LRRTM4: variants seen among roughly 807,000 people sequenced by gnomAD.
LRRTM4 encodes leucine-rich repeat transmembrane neuronal protein 4.
A neutral mutation model predicts 47.6 loss-of-function variants in LRRTM4; 25 were observed. The observed-to-expected ratio is 0.53, with a 90% CI of 0.38 to 0.73. The LOEUF (loss-of-function observed/expected upper bound fraction) is 0.73. Ranked by LOEUF, LRRTM4 falls within the 30% of genes least tolerant of loss-of-function variation. The probability of loss-of-function intolerance (pLI) is 0.00; values close to 1 mark genes in which losing one functional copy is unlikely to be tolerated. For synonymous variants in LRRTM4, 311 were observed against 269.5 expected, an observed-to-expected ratio of 1.15 and a Z score of -1.51; for missense variants, 638 against 713.4, an observed-to-expected ratio of 0.89 and a Z score of 1.20.
chr2:77,447,171 C>T (rs932888494), intron 3 of LRRTM4, among the ~76,000 whole-genome samples: 3 of 149,308 alleles, frequency 2.0e-5, no homozygotes, highest in Non-Finnish European at 4.5e-5. Flanking sequence ...TTCTCCAATA[C>T]TTTAAAAACT....
Position 76,819,140 on chromosome 2 carries a change from T to C in LRRTM4, c.1552-70224A>G, listed in dbSNP as rs544927407. Reference sequence around the variant, plus strand: ...AAAATAACTAAAATAAAGCTAAATCTATCCCTGTATAATTAGGAATAAGGT... The same window carrying C: ...AAAATAACTAAAATAAAGCTAAATCCATCCCTGTATAATTAGGAATAAGGT... On this transcript the variant is annotated intron_variant, in intron 3 of 3. Transcript: ENST00000409884. Among the ~76,000 whole-genome samples the C allele has an allele frequency of 3.3e-5, 5 of 151,982 alleles. No individual in the cohort carries two copies. In the East Asian group the frequency reaches 7.8e-4, roughly 24 times the overall value.
chr2:76,974,255 C>CATATATATATATAT (rs1558771883), intron 3 of LRRTM4, among the ~76,000 whole-genome samples: 2 of 138,100 alleles, frequency 1.4e-5, no homozygotes, highest in Non-Finnish European at 3.1e-5. Context: ...TATATATATA[C>CATATATATATATAT]ACACACATAC....
intron 3 of LRRTM4, among the ~76,000 whole-genome samples, chr2:77,337,881 T>C (rs772767152): frequency 2.9e-4 from 44 of 151,920 alleles, no homozygotes; most frequent in Non-Finnish European, 5.6e-4. Context: ...ATAGTACTGG[T>C]ACAAAAATAG....
At chr2:77,319,398 A>C (rs1677723002) in intron 3 of LRRTM4, among the ~76,000 whole-genome samples, 1 of 152,082 alleles carries the variant, frequency 6.6e-6, no homozygotes, top group African/African-American at 2.4e-5. Context: ...AAAGAAAAAA[A>C]AAAAAGCCAG....
At chr2:77,066,125 T>A (rs1417599193) in intron 3 of LRRTM4, among the ~76,000 whole-genome samples, 2 of 152,170 alleles carry the variant, frequency 1.3e-5, no homozygotes, top group African/African-American at 4.8e-5. Flanking sequence ...CTCACTCTAG[T>A]ATGAAGCAGA....
intron 3 of LRRTM4, among the ~76,000 whole-genome samples, chr2:76,781,936 C>T (rs1423494849): frequency 6.6e-6 from 1 of 152,174 alleles, no homozygotes; most frequent in East Asian, 1.9e-4. Flanking sequence ...GCTGCTTCTG[C>T]TGTTATATTA....
At chr2:77,510,476 A>G (rs1678942684) in intron 3 of LRRTM4, among the ~76,000 whole-genome samples, 1 of 152,102 alleles carries the variant, frequency 6.6e-6, no homozygotes, top group Non-Finnish European at 1.5e-5. Flanking sequence ...CTAAACAACA[A>G]TTGTTATACT....
At chr2:77,016,932 A>C (rs888633806) in intron 3 of LRRTM4, among the ~76,000 whole-genome samples, 3 of 151,706 alleles carry the variant, frequency 2.0e-5, no homozygotes, top group African/African-American at 7.3e-5. Flanking sequence ...GCAGCACTCT[A>C]TTTGCCTGTA....
In LRRTM4 at chr2:77,173,053, A is replaced by G. The variant is rs1031325174; in HGVS notation, c.1551+345265T>C. On this transcript the variant is annotated intron_variant, in intron 3 of 3. Coordinates refer to ENST00000409884, the MANE Select transcript of LRRTM4 (RefSeq NM_001134745.3). ...CAATAATCAGCTGCCAATGATGGGC[A>G]TGATGGACAAGTTGTTTAATAAAGG... Among the ~76,000 whole-genome samples, 3 of 152,354 alleles carry G rather than the reference A, an allele frequency of 2.0e-5. 1 individual carries two copies. In the South Asian group the frequency reaches 6.2e-4, roughly 32 times the overall value.
At chr2:76,772,451 T>A (rs1231264520) in intron 3 of LRRTM4, among the ~76,000 whole-genome samples, 2 of 152,154 alleles carry the variant, frequency 1.3e-5, no homozygotes, top group East Asian at 3.8e-4. Context: ...TAAATAAAAG[T>A]TGGTAGTCTA....
intron 3 of LRRTM4, among the ~76,000 whole-genome samples, chr2:76,887,086 C>T (rs550598235): frequency 5.3e-5 from 8 of 151,298 alleles, no homozygotes; most frequent in Admixed American, 1.3e-4. Context: ...GAGGCTAATA[C>T]GAGAATGCAC....
At chr2:77,312,128 C>T (rs1312161849) in intron 3 of LRRTM4, among the ~76,000 whole-genome samples, 2 of 152,084 alleles carry the variant, frequency 1.3e-5, no homozygotes, top group South Asian at 2.1e-4. Context: ...CATTTGACTT[C>T]AATCCTTTTC....
At chr2:76,831,277 C>G (rs1671344683) in intron 3 of LRRTM4, among the ~76,000 whole-genome samples, 1 of 152,114 alleles carries the variant, frequency 6.6e-6, no homozygotes, top group South Asian at 2.1e-4. Flanking sequence ...GACTTTGCAA[C>G]TACAGGATAC....
intron 3 of LRRTM4, among the ~76,000 whole-genome samples, chr2:77,104,945 G>T (rs1017816838): frequency 6.6e-6 from 1 of 150,464 alleles, no homozygotes; most frequent in Non-Finnish European, 1.5e-5. Flanking sequence ...CTACAAGATT[G>T]TTAAACATTT....
intron 3 of LRRTM4, among the ~76,000 whole-genome samples, chr2:77,097,237 A>G (rs1366512511): frequency 3.3e-5 from 5 of 151,954 alleles, no homozygotes; most frequent in African/African-American, 4.8e-5. Context: ...TATTCAAATT[A>G]TTAATAATTA....
intron 3 of LRRTM4, among the ~76,000 whole-genome samples, chr2:77,096,482 T>C (rs1670815362): frequency 6.6e-6 from 1 of 151,454 alleles, no homozygotes; most frequent in African/African-American, 2.4e-5. Flanking sequence ...AATTAAAATA[T>C]GAATAAATAT....
At chr2:77,115,648 G>T (rs1558587759) in intron 3 of LRRTM4, among the ~76,000 whole-genome samples, 1 of 152,178 alleles carries the variant, frequency 6.6e-6, no homozygotes. Context: ...GAACTTGGTA[G>T]CAAGATGATT....
chr2:77,346,021 TA>T (rs910190876), intron 3 of LRRTM4, among the ~76,000 whole-genome samples: 15 of 151,532 alleles, frequency 9.9e-5, no homozygotes, highest in African/African-American at 3.6e-4. Context: ...ATACTACTTA[TA>T]AAAAAAAGAA....
intron 3 of LRRTM4, among the ~76,000 whole-genome samples, chr2:76,816,819 GTTTTTTTTTTTTTTTTTTTTTTT>G (rs201525166): frequency 1.9e-3 from 179 of 96,564 alleles, no homozygotes; most frequent in African/African-American, 4.9e-3. Flanking sequence ...GAGGTAAAGA[GTTTTTTTTTTTTTTTTTTTTTTT>G]TTTTTTTTTT....
Sources: gnomAD v4.1 joint callset for allele counts (sites outside exome capture counted in the v4.1 genomes callset) on GRCh38, gnomAD v4.1.1 for gene constraint, MANE v1.5 for transcripts, NCBI Gene and HGNC (gene_info 2026-07-23, HGNC 2026-07-21) for gene names.